RRP12: variants seen among roughly 807,000 people sequenced by gnomAD.
RRP12 encodes ribosomal RNA processing 12 homolog, also known as RRP12-like protein.
RRP12 carries 78 observed loss-of-function variants against 157.3 expected under a neutral mutation model. The observed-to-expected ratio is 0.50, with a 90% CI of 0.41 to 0.60. The LOEUF is 0.60. Ranked by LOEUF, RRP12 falls within the 20% of genes least tolerant of loss-of-function variation. The pLI is 0.00. For synonymous variants in RRP12, 726 were observed against 670.9 expected, an observed-to-expected ratio of 1.08 and a Z score of -1.27; for missense variants, 1,521 against 1,679.9, an observed-to-expected ratio of 0.91 and a Z score of 1.65.
In RRP12 at chr10:97,400,479, C is replaced by T; in HGVS notation, c.195G>A (p.Gly65=). The T allele has an allele frequency of 1.2e-6, 2 of 1,614,130 alleles. No individual in the cohort carries two copies. ...AVKLHNELQS[G]SLRLGKSEAP... ...CTTCGCTTTTGCCCAAGCGCAAGGA[C>T]CCTGACTGCAGCTCATTATGTAACT... is the stretch of plus-strand genomic sequence containing the variant. Residue 65 remains glycine, a synonymous_variant, in exon 2 of 34, where the codon GGG becomes GGA. Coordinates refer to ENST00000370992, the MANE Select transcript of RRP12 (RefSeq NM_015179.4).
Position 97,393,824 on chromosome 10 carries a change from G to A in RRP12, c.454-64C>T, listed in dbSNP as rs908176778. ...TTACACTGAGCAAACAGGAAAGAGA[G>A]TGGGGGAACATGTGCCCAGCAGAAC... On this transcript the variant is annotated intron_variant, in intron 3 of 33. Transcript: ENST00000370992. 9.6e-6 allele frequency: 13 copies of A among 1,357,114 alleles called. No homozygotes were observed. In the South Asian group the frequency reaches 1.4e-4, roughly 15 times the overall value. The allele number at this position is 1,357,114 out of a possible 1,614,324, so 84.1% of individuals were successfully genotyped here.
At position 97,366,498 on chromosome 10, in the gene RRP12, A is replaced by T; in HGVS notation, c.3339T>A (p.Gly1113=). 1 of 1,613,772 alleles carries T rather than the reference A, an allele frequency of 6.2e-7. No individual in the cohort carries two copies. The highest frequency in any genetic ancestry group is 8.5e-7 in the Non-Finnish European group (1 of 1,179,948). ...CCAGGAAGTTGAGGGGCTCGTCCCC[A>T]CCGCCCTCTTTCAGCCATGCCCGGC... is the stretch of plus-strand genomic sequence containing the variant. ...QRSRAWLKEG[G]GDEPLNFLDP... is the part of the protein sequence containing the mutation. The change falls in exon 28 of 34, where the codon GGT becomes GGA. Residue 1113 remains glycine (G), a synonymous_variant. Coordinates refer to ENST00000370992, the MANE Select transcript of RRP12 (RefSeq NM_015179.4).
chr10:97,357,987 T>C (rs964439567), intron 33 of RRP12, among the ~76,000 whole-genome samples: 5 of 148,256 alleles, frequency 3.4e-5, no homozygotes, highest in South Asian at 2.1e-4. Context: ...AAGATGACTA[T>C]GTAGAGTATG....
At chr10:97,377,796 A>G (rs1188319053) in intron 15 of RRP12, among the ~76,000 whole-genome samples, 2 of 150,374 alleles carry the variant, frequency 1.3e-5, no homozygotes, top group East Asian at 3.9e-4. Flanking sequence ...GTGAGCTGAG[A>G]TCGCACCTTT....
Position 97,357,075 on chromosome 10 carries a change from A to G in RRP12, c.*19T>C. The G allele has an allele frequency of 8.1e-6, 12 of 1,485,906 alleles. No homozygotes were observed. Among genetic ancestry groups the G allele is most frequent in the African/African-American group, 1.4e-5 (1 of 72,540 alleles). The allele number at this position is 1,485,906 out of a possible 1,614,324, so 92.0% of individuals were successfully genotyped here. ...AGGGCCTCAGACTGGACCACAGGGC[A>G]GCCCAGGGGCCCTGGGCCTCAGGGT... On this transcript the variant is annotated 3_prime_UTR_variant, in exon 34 of 34. Coordinates refer to ENST00000370992, the MANE Select transcript of RRP12 (RefSeq NM_015179.4).
At chr10:97,400,791 G>C (rs1204114557) in intron 1 of RRP12, among the ~76,000 whole-genome samples, 2 of 152,178 alleles carry the variant, frequency 1.3e-5, no homozygotes, top group African/African-American at 4.8e-5. Context: ...GCTACATTCA[G>C]AGGGCCTGCA....
At chr10:97,393,821 A>G (rs977323325) in intron 3 of RRP12, 61 bp from the exon 4 acceptor site, 9 of 1,372,882 alleles carry the variant, frequency 6.6e-6, no homozygotes, top group African/African-American at 2.9e-5. Context: ...AACAGGAAAG[A>G]GAGTGGGGGA....
At position 97,379,429 on chromosome 10, in the gene RRP12, G is replaced by A. The variant is rs780050908; in HGVS notation, c.1677-15C>T. On this transcript the variant is annotated splice_polypyrimidine_tract_variant and intron_variant, in intron 14 of 33. Transcript: ENST00000370992. ...CCAGAGTCTCCCTGGGAAGAGAATG[G>A]GAAGAACCCAATGAGGATGAGGGGA... 1.2e-5 allele frequency: 19 copies of A among 1,613,608 alleles called. No individual in the cohort carries two copies.
At chr10:97,398,503 G>T (rs1845048884) in intron 2 of RRP12, among the ~76,000 whole-genome samples, 1 of 151,132 alleles carries the variant, frequency 6.6e-6, no homozygotes, top group Non-Finnish European at 1.5e-5. Context: ...ACAGGCGCAT[G>T]CCACCATGCC....
At chr10:97,366,049 G>A in intron 29 of RRP12, 59 bp downstream of exon 29, 1 of 1,597,920 alleles carries the variant, frequency 6.3e-7, no homozygotes, top group African/African-American at 1.3e-5. Flanking sequence ...TCCTCAGCAA[G>A]TGATCACCGA....
rs372980916 is a variant in RRP12 at position 97,390,567 on chromosome 10, C to A, written c.637-28G>T. On this transcript the variant is annotated intron_variant, in intron 5 of 33. Transcript: ENST00000370992. ...GGAAGAAAGTCAGAGTCCCTCAGTG[C>A]CACCAGCCTCGGCCAGGAGGGAAAA... The A allele has an allele frequency of 2.6e-6, 4 of 1,559,880 alleles. No homozygotes were observed. In the African/African-American group the frequency reaches 4.1e-5, roughly 16 times the overall value.
chr10:97,373,548 G>GC, intron 17 of RRP12, 27 bp downstream of exon 17: 1 of 1,568,746 alleles, frequency 6.4e-7, no homozygotes, highest in Non-Finnish European at 8.7e-7. Flanking sequence ...ATCCTCCCCA[G>GC]CCCCCACTCC....
At chr10:97,364,951 CGA>C (rs1359623588) in intron 29 of RRP12, among the ~76,000 whole-genome samples, 1 of 151,954 alleles carries the variant, frequency 6.6e-6, no homozygotes, top group Non-Finnish European at 1.5e-5. Context: ...TATACAGGGG[CGA>C]GAGAGGAGCA....
chr10:97,380,563 CCAG>C, intron 13 of RRP12, among the ~76,000 whole-genome samples: 1 of 152,192 alleles, frequency 6.6e-6, no homozygotes. Flanking sequence ...AGTTTCAAAA[CCAG>C]TAACTCCAGC....
At chr10:97,380,437 G>A (rs141102785) in intron 13 of RRP12, among the ~76,000 whole-genome samples, 12 of 152,342 alleles carry the variant, frequency 7.9e-5, no homozygotes, top group East Asian at 5.8e-4. Flanking sequence ...AGGAACCTCC[G>A]TGGGACCTAG....
intron 10 of RRP12, among the ~76,000 whole-genome samples, chr10:97,384,407 C>T (rs1162171093): frequency 6.9e-6 from 1 of 145,194 alleles, no homozygotes; most frequent in Admixed American, 6.9e-5. Context: ...AAAGACCCCC[C>T]AACCTTGGCA....
At chr10:97,371,199 C>T in intron 20 of RRP12, 118 bp from the exon 21 acceptor site, 1 of 1,079,420 alleles carries the variant, frequency 9.3e-7, no homozygotes, top group Non-Finnish European at 1.3e-6. Flanking sequence ...GCTCATGTGG[C>T]TTGACAGAGG....
At chr10:97,366,963 A>G (rs1261664052) in intron 26 of RRP12, 54 bp from the exon 27 acceptor site, 1 of 1,609,506 alleles carries the variant, frequency 6.2e-7, no homozygotes. Context: ...AGCACGACCC[A>G]GATGTAGTGT....
rs756251385 is a variant in RRP12 at position 97,357,147 on chromosome 10, G to A, written c.3841C>T (p.Arg1281Trp). 9 of 1,613,230 alleles carry A rather than the reference G, an allele frequency of 5.6e-6. No individual in the cohort carries two copies. The highest frequency in any genetic ancestry group is 5.9e-6 in the Non-Finnish European group (7 of 1,179,526). Reference sequence around the variant, plus strand: ...TTGTGTCCCACCTGGGAACCTCGCCGGGCAGCCTTCACCAGGCCTTTGAAC... The same window carrying A: ...TTGTGTCCCACCTGGGAACCTCGCCAGGCAGCCTTCACCAGGCCTTTGAAC... ...GQFKGLVKAA[R>W]RGSQVGHKNR... The change falls in exon 34 of 34, where the codon CGG (arginine) becomes TGG (tryptophan). Residue 1281 changes from arginine (R) to tryptophan (W), a missense_variant. Coordinates refer to ENST00000370992, the MANE Select transcript of RRP12 (RefSeq NM_015179.4).
Sources: allele counts gnomAD v4.1 joint callset (sites outside exome capture counted in the v4.1 genomes callset), GRCh38; gene constraint gnomAD v4.1.1; transcripts MANE v1.5; gene names NCBI Gene and HGNC (gene_info 2026-07-23, HGNC 2026-07-21).